The following NPAS3 variants were observed in gnomAD, a reference collection of about 807,000 sequenced individuals.
NPAS3 encodes the protein neuronal PAS domain protein 3.
Under a neutral mutation model 73.1 loss-of-function variants are expected in NPAS3, and 14 were observed. The observed-to-expected ratio is 0.19, with a 90% CI of 0.13 to 0.30. The LOEUF (loss-of-function observed/expected upper bound fraction) is 0.30. Ranked by LOEUF, NPAS3 falls within the 10% of genes least tolerant of loss-of-function variation. The pLI is 1.00. For synonymous variants in NPAS3, 620 were observed against 541.5 expected (o/e 1.14, Z -2.01); for missense variants, 1,096 against 1,250.0 (o/e 0.88, Z 1.86).
chr14:32,956,545 C>A (rs956428223), intron 1 of NPAS3, among the ~76,000 whole-genome samples: 6 of 152,168 alleles, frequency 3.9e-5, no homozygotes, highest in Admixed American at 2.0e-4. Flanking sequence ...GAAATGAAAT[C>A]ATTAACAGCT....
chr14:33,195,041 A>T (rs1034271586), intron 2 of NPAS3, among the ~76,000 whole-genome samples: 9 of 150,428 alleles, frequency 6.0e-5, no homozygotes, highest in African/African-American at 2.2e-4. Context: ...TGGACTAGAT[A>T]CAGATAATTG....
At chr14:33,183,792 T>A (rs1566650407) in intron 2 of NPAS3, among the ~76,000 whole-genome samples, 1 of 152,126 alleles carries the variant, frequency 6.6e-6, no homozygotes, top group African/African-American at 2.4e-5. Flanking sequence ...TTAAGGGAAT[T>A]TCATTGTCTG....
intron 3 of NPAS3, among the ~76,000 whole-genome samples, chr14:33,342,042 T>G (rs1407254578): frequency 6.6e-6 from 1 of 152,238 alleles, no homozygotes; most frequent in Non-Finnish European, 1.5e-5. Context: ...TTCCTTGGTC[T>G]AATCCCCAAC....
intron 1 of NPAS3, among the ~76,000 whole-genome samples, chr14:33,037,687 T>C (rs1248816903): frequency 6.6e-6 from 1 of 151,862 alleles, no homozygotes; most frequent in Non-Finnish European, 1.5e-5. Flanking sequence ...AAAAAGATTC[T>C]CAAATAAATA....
chr14:33,549,411 T>A (rs1330909331), intron 4 of NPAS3, among the ~76,000 whole-genome samples: 1 of 152,114 alleles, frequency 6.6e-6, no homozygotes. Context: ...TTTTTTGTAT[T>A]TTTGATAGAG....
At chr14:33,682,047 T>C (rs926231826) in intron 6 of NPAS3, among the ~76,000 whole-genome samples, 1 of 152,230 alleles carries the variant, frequency 6.6e-6, no homozygotes, top group Non-Finnish European at 1.5e-5. Flanking sequence ...GCAGTTTGTA[T>C]GCAATGAAAT....
chr14:32,951,111 T>C (rs1405263968), intron 1 of NPAS3, among the ~76,000 whole-genome samples: 1 of 152,110 alleles, frequency 6.6e-6, no homozygotes, highest in Non-Finnish European at 1.5e-5. Flanking sequence ...TGGTCACCAG[T>C]GTCAGTCTTC....
chr14:32,956,041 T>C (rs184516753), intron 1 of NPAS3, among the ~76,000 whole-genome samples: 36 of 152,116 alleles, frequency 2.4e-4, no homozygotes, highest in African/African-American at 8.4e-4. Flanking sequence ...GTAAAGAAAA[T>C]CAGTTACAAC....
At chr14:33,265,612 T>C (rs2049142214) in intron 3 of NPAS3, among the ~76,000 whole-genome samples, 2 of 152,180 alleles carry the variant, frequency 1.3e-5, no homozygotes. Flanking sequence ...ACACCAGTAC[T>C]AGCGGGGAAG....
rs375417532 is a variant in NPAS3 at position 33,233,953 on chromosome 14, A to G, written c.385+18527A>G. On this transcript the variant is annotated intron_variant, in intron 3 of 11. Transcript: ENST00000356141. The stretch of plus-strand genomic sequence containing the variant: ...TGAAGACTTTTTCTTTGAAATGTGC[A>G]TTCTTAATATGTAAAATAATTTATA... Among the ~76,000 whole-genome samples the G allele has an allele frequency of 5.2e-4, 79 of 152,286 alleles. 2 individuals are homozygous for G. The South Asian group carries it at 0.016, about 32-fold the overall frequency.
chr14:33,286,665 C>T (rs551656897), intron 3 of NPAS3, among the ~76,000 whole-genome samples: 2 of 151,938 alleles, frequency 1.3e-5, no homozygotes, highest in South Asian at 4.2e-4. Context: ...CTTTTCTTGG[C>T]ACTTTTTTTT....
At chr14:33,439,279 C>G (rs2049128431) in intron 4 of NPAS3, among the ~76,000 whole-genome samples, 1 of 152,196 alleles carries the variant, frequency 6.6e-6, no homozygotes, top group Non-Finnish European at 1.5e-5. Context: ...AAGGAACATT[C>G]ACTTGTGTAT....
intron 4 of NPAS3, among the ~76,000 whole-genome samples, chr14:33,485,089 A>C (rs1386728847): frequency 6.6e-6 from 1 of 152,182 alleles, no homozygotes; most frequent in Admixed American, 6.5e-5. Flanking sequence ...GTATAAACAC[A>C]AAACTAGAAA....
intron 5 of NPAS3, among the ~76,000 whole-genome samples, chr14:33,657,809 G>A (rs941471303): frequency 3.6e-4 from 55 of 152,218 alleles, no homozygotes; most frequent in African/African-American, 1.3e-3. Flanking sequence ...AAAGATAATT[G>A]TGTTACTCTT....
chr14:33,480,732 T>C (rs2051286768), intron 4 of NPAS3, among the ~76,000 whole-genome samples: 1 of 151,932 alleles, frequency 6.6e-6, no homozygotes, highest in Non-Finnish European at 1.5e-5. Context: ...CCTGAAGACA[T>C]AAACCTCACT....
At chr14:33,293,648 A>G (rs1194462980) in intron 3 of NPAS3, among the ~76,000 whole-genome samples, 2 of 152,220 alleles carry the variant, frequency 1.3e-5, no homozygotes, top group Non-Finnish European at 1.5e-5. Context: ...AACGGTAGAC[A>G]TGTTAACTTG....
chr14:32,981,745 G>A lies in NPAS3; in HGVS notation c.50+42379G>A, dbSNP rs1595146168. Among the ~76,000 whole-genome samples, 10 of 152,250 alleles carry A rather than the reference G, an allele frequency of 6.6e-5. No homozygotes were observed. The South Asian group carries it at 1.9e-3, about 28-fold the overall frequency. ...CACAAGTCCTGCTTCATCTTGGGGTGGTGTGGAGCGGGGGGTGAGAGGAAC... is the reference window on the plus strand; with the variant it reads ...CACAAGTCCTGCTTCATCTTGGGGTAGTGTGGAGCGGGGGGTGAGAGGAAC... On this transcript the variant is annotated intron_variant, in intron 1 of 11. Coordinates refer to ENST00000356141, the Ensembl canonical transcript of NPAS3.
chr14:33,470,135 G>A (rs2050717462), intron 4 of NPAS3, among the ~76,000 whole-genome samples: 2 of 152,140 alleles, frequency 1.3e-5, no homozygotes, highest in South Asian at 4.1e-4. Flanking sequence ...CAAGAGTCAA[G>A]GTCCTAAGAC....
At chr14:33,189,343 T>C (rs17100338) in intron 2 of NPAS3, among the ~76,000 whole-genome samples, 5,818 of 152,282 alleles carry the variant, frequency 0.038, 213 homozygotes, top group East Asian at 0.21. Context: ...GACTTGTTCA[T>C]ACGCTATAGG....
Sources: gnomAD v4.1 joint callset for allele counts (sites outside exome capture counted in the v4.1 genomes callset) on GRCh38, gnomAD v4.1.1 for gene constraint, MANE v1.5 for transcripts, NCBI Gene and HGNC (gene_info 2026-07-23, HGNC 2026-07-21) for gene names.